ALDH7A1: variants seen among roughly 807,000 people sequenced by gnomAD.
ALDH7A1 encodes alpha-aminoadipic semialdehyde dehydrogenase.
Under a neutral mutation model 79.9 loss-of-function variants are expected in ALDH7A1, and 63 were observed. The observed-to-expected ratio is 0.79, with a 90% CI of 0.64 to 0.97. The LOEUF is 0.97. ALDH7A1 is among the 50% of genes least tolerant of loss of function. ALDH7A1 has a pLI of 0.00. For synonymous variants in ALDH7A1, 240 were observed against 231.2 expected (o/e 1.04, Z -0.34); for missense variants, 627 against 665.2 (o/e 0.94, Z 0.63).
Position 126,568,493 on chromosome 5 carries a change from G to A in ALDH7A1, c.774-137C>T, listed in dbSNP as rs3734175. The A allele has an allele frequency of 4.2e-4, 328 of 786,922 alleles. 2 individuals are homozygous for A. The East Asian group carries it at 7.5e-3, about 18-fold the overall frequency. The allele number at this position is 786,922 out of a possible 1,614,324, so 48.7% of individuals were successfully genotyped here. A position where few individuals can be genotyped will look rare whatever the true frequency, so the allele number is the denominator to read the frequency against. ...AAGAAAGTCTGTCCCAGGGGAGCAAGGGAAGGTCTTCATGAGAAGGAAAAA... is the reference window on the plus strand; with the variant it reads ...AAGAAAGTCTGTCCCAGGGGAGCAAAGGAAGGTCTTCATGAGAAGGAAAAA... On this transcript the variant is annotated intron_variant, in intron 8 of 17. Coordinates refer to ENST00000409134, the MANE Select transcript of ALDH7A1 (RefSeq NM_001182.5).
In ALDH7A1 at chr5:126,577,219, C is replaced by A. The variant is rs886059850; in HGVS notation, c.518-8G>T. 6.2e-7 allele frequency: 1 copy of A among 1,613,850 alleles called. No individual in the cohort carries two copies. The highest frequency in any genetic ancestry group is 1.3e-5 in the African/African-American group (1 of 74,856). ...TCAGTGCATGGCCAGATCCTGAGGA[C>A]AGAAAAAGGATGGAACATGCAGAAG... On this transcript the variant is annotated splice_region_variant and splice_polypyrimidine_tract_variant and intron_variant, in intron 5 of 17. Coordinates refer to ENST00000409134, the MANE Select transcript of ALDH7A1 (RefSeq NM_001182.5).
chr5:126,594,748 C>A (rs1751682651), intron 1 of ALDH7A1, among the ~76,000 whole-genome samples: 1 of 151,934 alleles, frequency 6.6e-6, no homozygotes, highest in South Asian at 2.1e-4. Flanking sequence ...GCCCGGTAGA[C>A]CATAATGTTT....
chr5:126,555,601 C>G (rs1280035406), intron 12 of ALDH7A1, among the ~76,000 whole-genome samples: 3 of 151,728 alleles, frequency 2.0e-5, no homozygotes, highest in Non-Finnish European at 4.4e-5. Flanking sequence ...CATTCTGTAG[C>G]AATGGATGCA....
rs1750229368 is a variant in ALDH7A1, at chr5:126,557,336, C to T, written c.1009-1321G>A. On this transcript the variant is annotated intron_variant, in intron 11 of 17. Coordinates refer to ENST00000409134, the MANE Select transcript of ALDH7A1 (RefSeq NM_001182.5). ...GTGCGGTGGCTCACACCTGTAATTT[C>T]AGCACTTTGGGAGGCCAAGGCAGGC... 3.3e-5 allele frequency among the ~76,000 whole-genome samples: 5 copies of T among 152,164 alleles called. No homozygotes were observed. In the South Asian group the frequency reaches 1.0e-3, roughly 32 times the overall value.
Position 126,592,656 on chromosome 5 carries a change from A to ATACT in ALDH7A1, c.312+4_312+7dup, listed in dbSNP as rs1338334179. 1 of 1,613,444 alleles carries ATACT rather than the reference A, an allele frequency of 6.2e-7. No homozygotes were observed. Among genetic ancestry groups the ATACT allele is most frequent in the Non-Finnish European group, 8.5e-7 (1 of 1,179,494 alleles). On this transcript the variant is annotated splice_region_variant and intron_variant, in intron 3 of 17. Coordinates refer to ENST00000409134, the MANE Select transcript of ALDH7A1 (RefSeq NM_001182.5). The stretch of plus-strand genomic sequence containing the variant: ...TTTCTGAATTCTAGAAACAAAGGCC[A>ATACT]TACTTACATCTGCCCAGATTTTCCA...
Position 126,575,289 on chromosome 5 carries a change from A to C in ALDH7A1, c.695+131T>G, listed in dbSNP as rs565963713. Reference sequence around the variant, plus strand: ...ACTCTGTATATAAAAATAATATTACAAGCAAAGGAGAAAGAGGTTATCCAA... The same window carrying C: ...ACTCTGTATATAAAAATAATATTACCAGCAAAGGAGAAAGAGGTTATCCAA... On this transcript the variant is annotated intron_variant, in intron 7 of 17. Transcript: ENST00000409134. The C allele has an allele frequency of 1.8e-4, 141 of 779,640 alleles. 1 individual carries two copies. In the South Asian group the frequency reaches 1.9e-3, roughly 11 times the overall value. 48.3% of individuals were successfully genotyped at this position (779,640 alleles called of 1,614,324 possible). A position where few individuals can be genotyped will look rare whatever the true frequency, so the allele number is the denominator to read the frequency against.
At chr5:126,567,878 G>A (rs933208478) in intron 9 of ALDH7A1, 2 of 262,580 alleles carry the variant, frequency 7.6e-6, no homozygotes, top group South Asian at 4.6e-5. Flanking sequence ...CCACCTCCCG[G>A]GTTCAGACCA....
chr5:126,572,066 T>G (rs1750797822), intron 7 of ALDH7A1, among the ~76,000 whole-genome samples: 2 of 152,204 alleles, frequency 1.3e-5, no homozygotes, highest in African/African-American at 4.8e-5. Flanking sequence ...TAATTCTGGT[T>G]TCTCTGAAAA....
chr5:126,578,870 C>T (rs1362304050), intron 5 of ALDH7A1, among the ~76,000 whole-genome samples: 2 of 152,138 alleles, frequency 1.3e-5, no homozygotes, highest in South Asian at 2.1e-4. Flanking sequence ...GTCTTTCTAG[C>T]CACACTCACA....
chr5:126,550,081 A>G, intron 15 of ALDH7A1, 79 bp from the exon 16 acceptor site: 1 of 1,568,898 alleles, frequency 6.4e-7, no homozygotes, highest in South Asian at 1.1e-5. Context: ...AATCTAAACC[A>G]AAGCTCAAAG....
rs796052261 is a variant in ALDH7A1 at position 126,568,270 on chromosome 5, T to C, written c.860A>G (p.Gln287Arg). ...AAGCCAACACTTACCAAACCTCTCC[T>C]GCACCATCAGGCCCACCTGTTTTCC... ...QVGKQVGLMV[Q>R]ERFGRSLLEL... Residue 287 changes from glutamine to arginine, a missense_variant, in exon 9 of 18, where the codon CAG becomes CGG. Transcript: ENST00000409134. 24 of 1,614,012 alleles carry C rather than the reference T, an allele frequency of 1.5e-5. No homozygotes were observed. The highest frequency in any genetic ancestry group is 3.3e-4 in the Middle Eastern group (2 of 6,084).
Position 126,545,023 on chromosome 5 carries a change from G to C in ALDH7A1, c.1566-4C>G, listed in dbSNP as rs376308594. 23 of 1,602,386 alleles carry C rather than the reference G, an allele frequency of 1.4e-5. No individual in the cohort carries two copies. Among genetic ancestry groups the C allele is most frequent in the Non-Finnish European group, 1.9e-5 (22 of 1,169,510 alleles). On this transcript the variant is annotated splice_region_variant and splice_polypyrimidine_tract_variant and intron_variant, in intron 17 of 17. Transcript: ENST00000409134. Reference sequence around the variant, plus strand: ...GTCTTTACTGTAGTTGATAGTACTAGTGGGAAAAAATAACAGAATTAATGA... The same window carrying C: ...GTCTTTACTGTAGTTGATAGTACTACTGGGAAAAAATAACAGAATTAATGA...
chr5:126,593,293 G>A (rs1038494992), intron 2 of ALDH7A1, 58 bp downstream of exon 2: 1 of 1,572,416 alleles, frequency 6.4e-7, no homozygotes, highest in Non-Finnish European at 8.6e-7. Flanking sequence ...AACTCCTTGT[G>A]TATAATTTGA....
intron 5 of ALDH7A1, among the ~76,000 whole-genome samples, chr5:126,579,417 A>G (rs952375160): frequency 1.3e-5 from 2 of 151,568 alleles, no homozygotes; most frequent in African/African-American, 2.4e-5. Flanking sequence ...CCTACCGTTT[A>G]CTCCCTCATA....
Position 126,556,163 on chromosome 5 carries a change from T to C in ALDH7A1, c.1009-148A>G, listed in dbSNP as rs878860333. ...TGTTTATTTTTTTAATTATATAATT[T>C]ATCATTTTAATATTAACTATATGAA... On this transcript the variant is annotated intron_variant, in intron 11 of 17. Transcript: ENST00000409134. 3.2e-5 allele frequency: 14 copies of C among 431,826 alleles called. No individual in the cohort carries two copies. In the South Asian group the frequency reaches 4.4e-4, roughly 14 times the overall value. The allele number at this position is 431,826 out of a possible 1,614,324, so 26.7% of individuals were successfully genotyped here.
At chr5:126,593,030 A>C (rs1243680917) in intron 2 of ALDH7A1, among the ~76,000 whole-genome samples, 3 of 152,224 alleles carry the variant, frequency 2.0e-5, no homozygotes, top group African/African-American at 7.2e-5. Context: ...GACTTCGGAA[A>C]TCAGAAGCTT....
chr5:126,581,122 C>CT (rs1016955323), intron 5 of ALDH7A1: 87 of 146,192 alleles, frequency 6.0e-4, no homozygotes, highest in Non-Finnish European at 5.7e-4. Flanking sequence ...TCTTGTCCAG[C>CT]TTTTTTTTTT....
At chr5:126,593,131 T>G (rs1751607227) in intron 2 of ALDH7A1, among the ~76,000 whole-genome samples, 1 of 152,168 alleles carries the variant, frequency 6.6e-6, no homozygotes, top group African/African-American at 2.4e-5. Context: ...CTATGGTTCT[T>G]TCCTTTTCAC....
At position 126,575,040 on chromosome 5, in the gene ALDH7A1, T is replaced by C. The variant is rs546415457; in HGVS notation, c.695+380A>G. 2.6e-5 allele frequency among the ~76,000 whole-genome samples: 4 copies of C among 152,358 alleles called. No homozygotes were observed. In the South Asian group the frequency reaches 8.3e-4, roughly 32 times the overall value. ...AATAATCAGTTTTGTTAACACTCTA[T>C]TAAGCAAAAGCAACAAAAGTATTAG... On this transcript the variant is annotated intron_variant, in intron 7 of 17. Transcript: ENST00000409134.
Sources: gnomAD v4.1 joint callset for allele counts (sites outside exome capture counted in the v4.1 genomes callset) on GRCh38, gnomAD v4.1.1 for gene constraint, MANE v1.5 for transcripts, NCBI Gene and HGNC (gene_info 2026-07-23, HGNC 2026-07-21) for gene names.